KIR3DL2: variants seen among roughly 807,000 people sequenced by gnomAD.
KIR3DL2 encodes the protein killer cell immunoglobulin-like receptor 3DL2.
KIR3DL2 carries 42 observed loss-of-function variants against 41.6 expected under a neutral mutation model. The observed-to-expected ratio is 1.01, with a 90% CI of 0.79 to 1.31. The LOEUF (loss-of-function observed/expected upper bound fraction) is 1.31. KIR3DL2 is among the 50% of genes most tolerant of loss of function. The pLI is 0.00. For missense variants in KIR3DL2, 728 were observed against 576.8 expected, an observed-to-expected ratio of 1.26 and a Z score of -2.68; for synonymous variants, 230 against 221.3, an observed-to-expected ratio of 1.04 and a Z score of -0.35.
chr19:54,859,094 G>A lies in KIR3DL2; in HGVS notation c.965G>A (p.Ser322Asn), dbSNP rs1282291129. The change falls in exon 6 of 9, where the codon AGT (serine) becomes AAT (asparagine). Residue 322 changes from serine (S) to asparagine (N), a missense_variant. Physicochemically the swap from Ser to Asn is conservative, Grantham distance 46. Coordinates refer to ENST00000326321, the MANE Select transcript of KIR3DL2 (RefSeq NM_006737.4). The part of the protein sequence containing the change: ...LVSVTGNPSS[S>N]WPSPTEPSSK... ...CGTGTTCTAGGAAACCCTTCAAGTA[G>A]TTGGCCTTCACCCACAGAACCAAGC... 3 of 1,613,750 alleles carry A rather than the reference G, an allele frequency of 1.9e-6. No homozygotes were observed. The highest frequency in any genetic ancestry group is 2.2e-5 in the East Asian group (1 of 44,876).
At chr19:54,865,973 G>T (rs184108639) in intron 7 of KIR3DL2, 64 bp downstream of exon 7, 36 of 1,394,900 alleles carry the variant, frequency 2.6e-5, no homozygotes, top group Non-Finnish European at 3.5e-5. Context: ...ATGGGAGCAC[G>T]CGGGTGTGTG....
At position 54,854,079 on chromosome 19, in the gene KIR3DL2, T is replaced by C. The variant is rs551894887; in HGVS notation, c.655+33T>C. 9.8e-5 allele frequency: 158 copies of C among 1,608,350 alleles called. No individual in the cohort carries two copies. In the Middle Eastern group the frequency reaches 1.2e-3, roughly 12 times the overall value. On this transcript the variant is annotated intron_variant, in intron 4 of 8. Transcript: ENST00000326321. ...TGTCCAGACATTCTTCTCATTGTCA[T>C]TGGGACACAGAGTGAATGATCCAGG...
intron 5 of KIR3DL2, among the ~76,000 whole-genome samples, chr19:54,856,279 A>C (rs1330072312): frequency 1.3e-5 from 2 of 151,458 alleles, no homozygotes; most frequent in African/African-American, 2.4e-5. Flanking sequence ...CATCACCAGC[A>C]ACCCCTACAC....
chr19:54,859,690 A>T (rs192494596), intron 6 of KIR3DL2, among the ~76,000 whole-genome samples: 13 of 151,780 alleles, frequency 8.6e-5, no homozygotes, highest in Admixed American at 5.9e-4. Flanking sequence ...ACAAATTTCC[A>T]CAAGATTCGT....
chr19:54,857,428 C>A (rs1363649205), intron 5 of KIR3DL2, among the ~76,000 whole-genome samples: 4 of 151,368 alleles, frequency 2.6e-5, no homozygotes, highest in Non-Finnish European at 5.9e-5. Context: ...TACTTTTCTC[C>A]ATAATAGTTG....
chr19:54,860,962 C>G (rs184859168), intron 6 of KIR3DL2, among the ~76,000 whole-genome samples: 5,118 of 127,066 alleles, frequency 0.04, 7 homozygotes, highest in East Asian at 0.1. Flanking sequence ...AACTAAGGAG[C>G]AACAAGGAGC....
At chr19:54,856,152 A>G (rs1433399040) in intron 5 of KIR3DL2, among the ~76,000 whole-genome samples, 2 of 151,518 alleles carry the variant, frequency 1.3e-5, no homozygotes, top group African/African-American at 4.9e-5. Context: ...CGGTCAGGAC[A>G]GACCCAGAGA....
chr19:54,859,105 C>A lies in KIR3DL2; in HGVS notation c.976C>A (p.Pro326Thr), dbSNP rs912415622. Residue 326 changes from proline to threonine, a missense_variant, in exon 6 of 9, where the codon CCC becomes ACC. Physicochemically the swap from Pro to Thr is conservative, Grantham distance 38. Transcript: ENST00000326321. ...TGNPSSSWPS[P>T]TEPSSKSGIC... ...AAACCCTTCAAGTAGTTGGCCTTCACCCACAGAACCAAGCTCCAAATCTGG... is the reference window on the plus strand; with the variant it reads ...AAACCCTTCAAGTAGTTGGCCTTCAACCACAGAACCAAGCTCCAAATCTGG... 26 of 1,613,688 alleles carry A rather than the reference C, an allele frequency of 1.6e-5. No homozygotes were observed. Among genetic ancestry groups the A allele is most frequent in the Non-Finnish European group, 2.0e-5 (24 of 1,179,720 alleles).
intron 6 of KIR3DL2, among the ~76,000 whole-genome samples, chr19:54,861,720 T>C (rs1340703859): frequency 4.6e-5 from 7 of 151,642 alleles, no homozygotes; most frequent in Middle Eastern, 3.4e-3. Flanking sequence ...ATTCCAATCA[T>C]CATTTTTCTA....
chr19:54,853,751 C>A lies in KIR3DL2; in HGVS notation c.360C>A (p.Asn120Lys), dbSNP rs2064489109. 1.2e-6 allele frequency: 2 copies of A among 1,609,614 alleles called. No individual in the cohort carries two copies. The highest frequency in any genetic ancestry group is 2.7e-5 in the African/African-American group (2 of 74,296). Residue 120 changes from asparagine to lysine, a missense_variant, in exon 4 of 9, where the codon AAC becomes AAA. Asn to Lys is a moderately conservative substitution (Grantham distance 94). Coordinates refer to ENST00000326321, the MANE Select transcript of KIR3DL2 (RefSeq NM_006737.4). The part of the protein sequence containing the change: ...SNPLVIMVTG[N>K]HRKPSLLAHP... Reference sequence around the variant, plus strand: ...ACTCACAACTTCTCTTTCTAGGAAACCACAGAAAACCTTCCCTCCTGGCCC... The same window carrying A: ...ACTCACAACTTCTCTTTCTAGGAAAACACAGAAAACCTTCCCTCCTGGCCC...
chr19:54,856,502 G>T (rs2064791336), intron 5 of KIR3DL2, among the ~76,000 whole-genome samples: 1 of 151,676 alleles, frequency 6.6e-6, no homozygotes, highest in African/African-American at 2.4e-5. Context: ...CCAACATGCG[G>T]GAAATTCATC....
In KIR3DL2 at chr19:54,855,728, G is replaced by A. The variant is rs879044704; in HGVS notation, c.765G>A (p.Leu255=). ...GGAGCTCCTATGACATCTACCATCTGTCCAGGGAAGGGGAGGCCCATGAAC... is the reference window on the plus strand; with the variant it reads ...GGAGCTCCTATGACATCTACCATCTATCCAGGGAAGGGGAGGCCCATGAAC... ...SSWSSYDIYH[L]SREGEAHERR... The change falls in exon 5 of 9, where the codon CTG becomes CTA. Residue 255 remains leucine, a synonymous_variant. Transcript: ENST00000326321. 112 of 1,612,918 alleles carry A rather than the reference G, an allele frequency of 6.9e-5. 2 individuals are homozygous for A. The highest frequency in any genetic ancestry group is 1.3e-4 in the Admixed American group (8 of 59,958).
intron 2 of KIR3DL2, among the ~76,000 whole-genome samples, chr19:54,851,610 C>T (rs111455254): frequency 0.032 from 4,781 of 151,476 alleles, 370 homozygotes; most frequent in African/African-American, 0.11. Flanking sequence ...AGTGTGGCTG[C>T]GGTCTTTCTA....
In KIR3DL2 at chr19:54,866,540, C is replaced by T; in HGVS notation, c.1177C>T (p.Pro393Ser). ...VNRQDSDEQD[P>S]QEVTYAQLDH... ...TCTCCAGGACTCTGATGAACAAGAC[C>T]CTCAGGAGGTGACGTACGCACAGTT... Residue 393 changes from proline to serine, a missense_variant, in exon 9 of 9, where the codon CCT becomes TCT. Pro to Ser is a moderately conservative substitution (Grantham distance 74). Coordinates refer to ENST00000326321, the MANE Select transcript of KIR3DL2 (RefSeq NM_006737.4). The T allele has an allele frequency of 1.9e-6, 3 of 1,613,994 alleles. No individual in the cohort carries two copies. Among genetic ancestry groups the T allele is most frequent in the Non-Finnish European group, 2.5e-6 (3 of 1,179,972 alleles).
At chr19:54,853,164 C>T (rs2145580723) in intron 3 of KIR3DL2, among the ~76,000 whole-genome samples, 2 of 151,436 alleles carry the variant, frequency 1.3e-5, no homozygotes, top group East Asian at 1.9e-4. Context: ...GGTTGGCTAC[C>T]GTGGGATCAG....
rs1239536870 is a variant in KIR3DL2 at position 54,855,786 on chromosome 19, A to G, written c.823A>G (p.Thr275Ala). The stretch of plus-strand genomic sequence containing the variant: ...CCGTGCAGTGCCCAAGGTCAACAGA[A>G]CATTCCAGGCAGACTTTCCTCTGGG... ...RLRAVPKVNRTFQADFPLGPA... is the reference protein window; with the variant it reads ...RLRAVPKVNRAFQADFPLGPA... The change falls in exon 5 of 9, where the codon ACA becomes GCA. Residue 275 changes from threonine to alanine, a missense_variant. Coordinates refer to ENST00000326321, the MANE Select transcript of KIR3DL2 (RefSeq NM_006737.4). The G allele has an allele frequency of 4.9e-5, 79 of 1,613,302 alleles. No individual in the cohort carries two copies. The highest frequency in any genetic ancestry group is 1.5e-4 in the Admixed American group (9 of 59,986).
chr19:54,851,175 T>A, intron 1 of KIR3DL2, 45 bp from the exon 2 acceptor site: 1 of 1,608,082 alleles, frequency 6.2e-7, no homozygotes. Flanking sequence ...CAGGGTGCCC[T>A]GGTTTGCCTG....
At chr19:54,863,227 T>C (rs2065300937) in intron 6 of KIR3DL2, among the ~76,000 whole-genome samples, 1 of 151,944 alleles carries the variant, frequency 6.6e-6, no homozygotes, top group Non-Finnish European at 1.5e-5. Context: ...GGTGTATATG[T>C]GCCACATTTT....
chr19:54,851,990 TCC>T lies in KIR3DL2; in HGVS notation c.71-4_71-3del. The T allele has an allele frequency of 6.2e-6, 10 of 1,607,674 alleles. No homozygotes were observed. The highest frequency in any genetic ancestry group is 1.1e-5 in the South Asian group (1 of 91,004). ...TCCTCTCTAAGGCAGTGCCTCCTTC[TCC>T]CCCAGGTGGTCAGGACAAACCCTTC... On this transcript the variant is annotated splice_region_variant and splice_polypyrimidine_tract_variant and intron_variant, in intron 2 of 8. Transcript: ENST00000326321.
Sources: gnomAD v4.1 joint callset for allele counts (sites outside exome capture counted in the v4.1 genomes callset) on GRCh38, gnomAD v4.1.1 for gene constraint, MANE v1.5 for transcripts, NCBI Gene and HGNC (gene_info 2026-07-23, HGNC 2026-07-21) for gene names.